Variants in TACC1 observed in about 807,000 individuals in gnomAD.
TACC1 encodes the protein transforming acidic coiled-coil containing protein 1.
TACC1 carries 48 observed loss-of-function variants against 84.4 expected under a neutral mutation model. The ratio of observed to expected loss-of-function variants is 0.57; its 90% CI spans 0.45 to 0.72. TACC1 has a LOEUF of 0.72. Ranked by LOEUF, TACC1 falls within the 30% of genes least tolerant of loss-of-function variation. The probability of loss-of-function intolerance (pLI) is 0.00; values close to 1 mark genes in which losing one functional copy is unlikely to be tolerated. For synonymous variants in TACC1, 372 were observed against 376.3 expected (o/e 0.99, Z 0.13); for missense variants, 920 against 973.0 (o/e 0.95, Z 0.72).
intron 3 of TACC1, among the ~76,000 whole-genome samples, chr8:38,764,426 TAAAAA>T (rs71216685): frequency 2.0e-5 from 2 of 100,988 alleles, no homozygotes; most frequent in African/African-American, 4.1e-5. Flanking sequence ...ATCAATTTGG[TAAAAA>T]AAAAAAAAAA....
intron 4 of TACC1, among the ~76,000 whole-genome samples, chr8:38,826,288 G>A (rs1169308791): frequency 1.3e-5 from 2 of 152,122 alleles, no homozygotes; most frequent in Non-Finnish European, 2.9e-5. Flanking sequence ...AAAGTAGGCA[G>A]CAAGAACTAT....
chr8:38,823,871 TAGAA>T (rs1469019731), intron 3 of TACC1: 6 of 654,818 alleles, frequency 9.2e-6, no homozygotes, highest in Admixed American at 4.3e-5. Flanking sequence ...TCTCACCTCA[TAGAA>T]AGAATTGTGC....
intron 3 of TACC1, among the ~76,000 whole-genome samples, chr8:38,776,336 A>G (rs758236041): frequency 2.0e-5 from 3 of 152,202 alleles, no homozygotes; most frequent in Non-Finnish European, 4.4e-5. Context: ...TTTTAGGATA[A>G]TTAGGACATC....
chr8:38,746,863 T>C (rs1174870509), intron 3 of TACC1, among the ~76,000 whole-genome samples: 1 of 152,140 alleles, frequency 6.6e-6, no homozygotes, highest in Non-Finnish European at 1.5e-5. Context: ...AAATATTAAG[T>C]AATTTTTAAA....
chr8:38,844,165 T>G (rs1366960356), intron 11 of TACC1, among the ~76,000 whole-genome samples: 2 of 152,008 alleles, frequency 1.3e-5, no homozygotes, highest in Admixed American at 1.3e-4. Flanking sequence ...ATTTATTTAT[T>G]TATTTTATTA....
At chr8:38,831,775 C>CATG (rs1829294276) in intron 6 of TACC1, among the ~76,000 whole-genome samples, 1 of 151,744 alleles carries the variant, frequency 6.6e-6, no homozygotes, top group South Asian at 2.1e-4. Context: ...GGATTACAGG[C>CATG]ATGAGCCCCT....
chr8:38,783,349 G>A (rs114054561), upstream of TACC1, among the ~76,000 whole-genome samples: 12 of 151,984 alleles, frequency 7.9e-5, no homozygotes, highest in African/African-American at 2.9e-4. Context: ...GACCCCAGGT[G>A]GGGGGCTCAG....
chr8:38,761,572 C>G (rs1160114156), intron 3 of TACC1, among the ~76,000 whole-genome samples: 5 of 152,194 alleles, frequency 3.3e-5, no homozygotes, highest in African/African-American at 1.2e-4. Flanking sequence ...ATGTCCCTGA[C>G]ACCAAGAGGG....
At chr8:38,761,557 G>A (rs896474432) in intron 3 of TACC1, among the ~76,000 whole-genome samples, 1 of 152,224 alleles carries the variant, frequency 6.6e-6, no homozygotes, top group Non-Finnish European at 1.5e-5. Context: ...ATCACTGTGG[G>A]ACACATGTCC....
chr8:38,849,991 GGTGTTTT>G lies in TACC1; in HGVS notation c.*1969_*1975del. ...CTAAATCTTTTTGCTGCTGTGTTTT[GGTGTTTT>G]CATGTTTACTTGTTTTATATTGATC... On this transcript the variant is annotated 3_prime_UTR_variant, in exon 13 of 13. Coordinates refer to ENST00000317827, the MANE Select transcript of TACC1 (RefSeq NM_006283.3). 6.6e-6 allele frequency: 1 copy of G among 152,580 alleles called. No homozygotes were observed. The highest frequency in any genetic ancestry group is 1.5e-5 in the Non-Finnish European group (1 of 68,020). The allele number at this position is 152,580 out of a possible 1,614,324, so 9.5% of individuals were successfully genotyped here.
At chr8:38,794,349 C>T (rs998696777) in intron 2 of TACC1, among the ~76,000 whole-genome samples, 16 of 151,984 alleles carry the variant, frequency 1.1e-4, no homozygotes, top group Non-Finnish European at 5.9e-5. Context: ...GTTGCCCAGG[C>T]TGGTCTCGAA....
At chr8:38,738,266 G>A (rs1040480075) in intron 1 of TACC1, among the ~76,000 whole-genome samples, 1 of 151,912 alleles carries the variant, frequency 6.6e-6, no homozygotes, top group Non-Finnish European at 1.5e-5. Context: ...AAAATTAGTC[G>A]GGCGTGGTGG....
chr8:38,787,757 G>C lies in TACC1; in HGVS notation c.161+14G>C. 1 of 1,512,954 alleles carries C rather than the reference G, an allele frequency of 6.6e-7. No homozygotes were observed. Among genetic ancestry groups the C allele is most frequent in the South Asian group, 1.2e-5 (1 of 82,172 alleles). 93.7% of individuals were successfully genotyped at this position (1,512,954 alleles called of 1,614,324 possible). The stretch of plus-strand genomic sequence containing the variant: ...CTTGAGTTTCAGGCAAGTACACGGC[G>C]TCCCCGCTGAGATGCAGACGCGCTT... On this transcript the variant is annotated intron_variant, in intron 1 of 12. Transcript: ENST00000317827.
chr8:38,820,541 A>G lies in TACC1; in HGVS notation c.1297A>G (p.Thr433Ala). Residue 433 changes from threonine (T) to alanine (A), a missense_variant, in exon 3 of 13, where the codon ACG becomes GCG. By Grantham distance (58) the Thr-to-Ala change is moderately conservative (BLOSUM62 0). Around this residue, in one of 2 missense-constraint regions of TACC1, gnomAD observed 762 missense variants for 747.3 expected, o/e 1.02. Coordinates refer to ENST00000317827, the MANE Select transcript of TACC1 (RefSeq NM_006283.3). ...ATCCATGGATCCCTTTAAACCAACTACGACCTTAACAAGCAGTGACTTTTG... is the reference window on the plus strand; with the variant it reads ...ATCCATGGATCCCTTTAAACCAACTGCGACCTTAACAAGCAGTGACTTTTG... ...DESMDPFKPT[T>A]TLTSSDFCSP... is the part of the protein sequence containing the mutation. 1.2e-6 allele frequency: 2 copies of G among 1,614,102 alleles called. No homozygotes were observed. Among genetic ancestry groups the G allele is most frequent in the South Asian group, 2.2e-5 (2 of 91,082 alleles).
At chr8:38,799,134 A>G (rs13267903) in intron 2 of TACC1, among the ~76,000 whole-genome samples, 19,801 of 152,218 alleles carry the variant, frequency 0.13, 1,600 homozygotes, top group South Asian at 0.29. Context: ...CCCTTGATTC[A>G]GTGTGGGGGA....
intron 2 of TACC1, among the ~76,000 whole-genome samples, chr8:38,798,603 C>CTGTGTGTGTG (rs1211707477): frequency 2.2e-5 from 2 of 92,528 alleles, no homozygotes; most frequent in African/African-American, 7.5e-5. Flanking sequence ...TGTCTGGGTT[C>CTGTGTGTGTG]TGCGTGTGTG....
rs949303904 is a variant in TACC1, at chr8:38,848,989, C to T, written c.*966C>T. On this transcript the variant is annotated 3_prime_UTR_variant, in exon 13 of 13. Transcript: ENST00000317827. ...TTTTTTTTTTTTTGAGACAGAGTTT[C>T]GATCTATTTTAAGTATGTGAAGAAA... is the stretch of plus-strand genomic sequence containing the variant. 3.4e-5 allele frequency: 5 copies of T among 146,374 alleles called. No individual in the cohort carries two copies. In the East Asian group the frequency reaches 8.0e-4, roughly 23 times the overall value. 9.1% of individuals were successfully genotyped at this position (146,374 alleles called of 1,614,324 possible). A position where few individuals can be genotyped will look rare whatever the true frequency, so the allele number is the denominator to read the frequency against.
At position 38,852,513 on chromosome 8, in the gene TACC1, C is replaced by G. The variant is rs1385827457; in HGVS notation, c.*4490C>G. Reference sequence around the variant, plus strand: ...CTGGTCACATCATTAACTGCTAATTCTGTATTTATAAAGAATTTTCAGATG... The same window carrying G: ...CTGGTCACATCATTAACTGCTAATTGTGTATTTATAAAGAATTTTCAGATG... On this transcript the variant is annotated 3_prime_UTR_variant, in exon 13 of 13. Coordinates refer to ENST00000317827, the MANE Select transcript of TACC1 (RefSeq NM_006283.3). 6.6e-6 allele frequency: 1 copy of G among 152,602 alleles called. No homozygotes were observed. Among genetic ancestry groups the G allele is most frequent in the African/African-American group, 2.4e-5 (1 of 41,424 alleles). The allele number at this position is 152,602 out of a possible 1,614,324, so 9.5% of individuals were successfully genotyped here. A position where few individuals can be genotyped will look rare whatever the true frequency, so the allele number is the denominator to read the frequency against.
chr8:38,798,606 C>CGTGTGTGTGTGT (rs10631964), intron 2 of TACC1, among the ~76,000 whole-genome samples: 3,592 of 143,454 alleles, frequency 0.025, 63 homozygotes, highest in East Asian at 0.036. Flanking sequence ...CTGGGTTCTG[C>CGTGTGTGTGTGT]GTGTGTGTGT....
Sources: gnomAD v4.1 joint callset for allele counts (sites outside exome capture counted in the v4.1 genomes callset) on GRCh38, gnomAD v4.1.1 for gene constraint, gnomAD v4.1.1 regional missense constraint, MANE v1.5 for transcripts, NCBI Gene and HGNC (gene_info 2026-07-23, HGNC 2026-07-21) for gene names.